The following SHANK2 variants were observed in gnomAD, a reference collection of about 807,000 sequenced individuals.
SHANK2 encodes SH3 and multiple ankyrin repeat domains protein 2.
SHANK2 carries 43 observed loss-of-function variants against 133.7 expected under a neutral mutation model. The observed-to-expected ratio is 0.32, with a 90% CI of 0.25 to 0.41. The LOEUF is 0.41. Ranked by LOEUF, SHANK2 falls within the 10% of genes least tolerant of loss-of-function variation. The pLI, the probability that SHANK2 is intolerant of heterozygous loss-of-function variation, is 1.00. For synonymous variants in SHANK2, 1,017 were observed against 952.8 expected, an observed-to-expected ratio of 1.07 and a Z score of -1.24; for missense variants, 1,994 against 2,235.8, an observed-to-expected ratio of 0.89 and a Z score of 2.18.
chr11:70,507,669 G>A (rs1359235036), intron 17 of SHANK2, among the ~76,000 whole-genome samples: 1 of 152,122 alleles, frequency 6.6e-6, no homozygotes, highest in Non-Finnish European at 1.5e-5. Context: ...GGACAGACAC[G>A]GACATGAGGT....
intron 1 of SHANK2, among the ~76,000 whole-genome samples, chr11:71,230,216 G>T (rs1486378289): frequency 1.3e-5 from 2 of 152,016 alleles, no homozygotes; most frequent in East Asian, 3.9e-4. Flanking sequence ...CTTGAACCTG[G>T]GAAGCAGAGG....
chr11:71,086,693 C>T (rs980260405), intron 8 of SHANK2, among the ~76,000 whole-genome samples: 54 of 151,676 alleles, frequency 3.6e-4, no homozygotes, highest in Non-Finnish European at 7.2e-4. Context: ...ACTTGAGACC[C>T]GCACTGTGGC....
chr11:70,690,258 C>T (rs143805064), intron 15 of SHANK2, among the ~76,000 whole-genome samples: 8,271 of 151,472 alleles, frequency 0.055, 303 homozygotes, highest in Middle Eastern at 0.11. Flanking sequence ...AATTTTTCTC[C>T]CACGAGAAAA....
chr11:71,207,132 G>GA (rs60645507), intron 2 of SHANK2, among the ~76,000 whole-genome samples: 48,660 of 122,748 alleles, frequency 0.4, 10,673 homozygotes, highest in East Asian at 0.66. Context: ...TGGAAGGAAA[G>GA]AAAAAAAAAT....
chr11:70,703,067 G>A (rs1945573010), intron 14 of SHANK2, among the ~76,000 whole-genome samples: 1 of 152,248 alleles, frequency 6.6e-6, no homozygotes. Flanking sequence ...AGGTCATGGA[G>A]TCTGTCAGCA....
chr11:70,874,069 G>GATCCATCCATTC (rs1259768595), intron 11 of SHANK2, among the ~76,000 whole-genome samples: 4 of 152,056 alleles, frequency 2.6e-5, no homozygotes, highest in Admixed American at 1.3e-4. Flanking sequence ...TCTACCTATA[G>GATCCATCCATTC]ATCCATCCAT....
At chr11:70,618,705 C>T (rs2060789843) in intron 17 of SHANK2, among the ~76,000 whole-genome samples, 1 of 152,194 alleles carries the variant, frequency 6.6e-6, no homozygotes, top group South Asian at 2.1e-4. Flanking sequence ...TTAAATCAGC[C>T]CATGCGGAAA....
At chr11:71,102,953 C>T (rs1443895534) in intron 6 of SHANK2, among the ~76,000 whole-genome samples, 3 of 152,230 alleles carry the variant, frequency 2.0e-5, no homozygotes, top group Non-Finnish European at 2.9e-5. Flanking sequence ...GCAGATTTGG[C>T]GTGTGTCTAC....
At chr11:70,859,005 A>G (rs1207740897) in intron 11 of SHANK2, among the ~76,000 whole-genome samples, 5 of 152,214 alleles carry the variant, frequency 3.3e-5, no homozygotes, top group African/African-American at 1.2e-4. Context: ...ACACTGGAGC[A>G]CTGGTGTTGG....
At chr11:71,193,161 T>G (rs1953824976) in intron 2 of SHANK2, among the ~76,000 whole-genome samples, 1 of 152,004 alleles carries the variant, frequency 6.6e-6, no homozygotes, top group Non-Finnish European at 1.5e-5. Flanking sequence ...CTCCCCGAAA[T>G]CATACTAATA....
At chr11:70,890,190 T>C (rs782723637) in intron 11 of SHANK2, among the ~76,000 whole-genome samples, 3 of 151,992 alleles carry the variant, frequency 2.0e-5, no homozygotes, top group Non-Finnish European at 2.9e-5. Flanking sequence ...ACAGGGTCTG[T>C]GAAAAAGGTG....
rs577550546 is a variant in SHANK2, at chr11:70,469,891, C to T, written c.*2978G>A. 6.6e-5 allele frequency: 10 copies of T among 152,628 alleles called. No homozygotes were observed. The highest frequency in any genetic ancestry group is 6.5e-4 in the Admixed American group (10 of 15,294). The allele number at this position is 152,628 out of a possible 1,614,324, so 9.5% of individuals were successfully genotyped here. A position where few individuals can be genotyped will look rare whatever the true frequency, so the allele number is the denominator to read the frequency against. On this transcript the variant is annotated 3_prime_UTR_variant, in exon 26 of 26. Transcript: ENST00000601538. The stretch of plus-strand genomic sequence containing the variant: ...AGACACCCTGGAAAAGGTATCTTGG[C>T]AGGTATACATAATTTACATTTTGAG...
intron 14 of SHANK2, 130 bp downstream of exon 14, chr11:70,798,312 GA>G: frequency 1.5e-6 from 1 of 673,194 alleles, no homozygotes; most frequent in Non-Finnish European, 2.7e-6. Context: ...CAAAGATCTA[GA>G]AAGTCCTGAA....
intron 18 of SHANK2, 41 bp downstream of exon 18, chr11:70,502,755 G>A: frequency 3.3e-6 from 1 of 307,486 alleles, no homozygotes; most frequent in Non-Finnish European, 4.1e-6. Flanking sequence ...CCCCCCCCCA[G>A]TAGGGCCCCA....
At chr11:70,911,546 C>A (rs1245028883) in intron 10 of SHANK2, among the ~76,000 whole-genome samples, 1 of 152,106 alleles carries the variant, frequency 6.6e-6, no homozygotes, top group Non-Finnish European at 1.5e-5. Context: ...TGCCCCCCAA[C>A]TTCTCCTTTT....
rs550173111 is a variant in SHANK2, at chr11:70,686,569, T to A, written c.1853+12119A>T. On this transcript the variant is annotated intron_variant, in intron 15 of 25. Coordinates refer to ENST00000601538, the MANE Select transcript of SHANK2 (RefSeq NM_012309.5). ...TCTCCATTCTCTGAGAGCTGGACAT[T>A]TGCCAGACCCTGTGCCAGATGCCAG... Among the ~76,000 whole-genome samples the A allele has an allele frequency of 3.3e-5, 5 of 152,258 alleles. No homozygotes were observed. In the South Asian group the frequency reaches 1.0e-3, roughly 32 times the overall value.
intron 10 of SHANK2, among the ~76,000 whole-genome samples, chr11:70,944,283 A>C (rs11601701): frequency 6.6e-6 from 1 of 151,942 alleles, no homozygotes; most frequent in South Asian, 2.1e-4. Context: ...AGAGCCATCC[A>C]CCCTCCTGTG....
chr11:70,736,451 A>G (rs538412771), intron 14 of SHANK2, among the ~76,000 whole-genome samples: 14 of 152,270 alleles, frequency 9.2e-5, no homozygotes, highest in Admixed American at 8.5e-4. Flanking sequence ...CTTAAATCCA[A>G]TGATACGTGT....
In SHANK2 at chr11:70,490,404, C is replaced by CTAGGTT; in HGVS notation, c.2440-18_2440-17insAACCTA. 1 of 1,609,298 alleles carries CTAGGTT rather than the reference C, an allele frequency of 6.2e-7. No homozygotes were observed. The highest frequency in any genetic ancestry group is 8.5e-7 in the Non-Finnish European group (1 of 1,175,652). The stretch of plus-strand genomic sequence containing the variant: ...GTACACAGACTGCAAACCAGAGAGC[C>CTAGGTT]TAGGGTGAGACGCAGCCCTGGCCAG... On this transcript the variant is annotated splice_polypyrimidine_tract_variant and intron_variant, in intron 22 of 25. Transcript: ENST00000601538.
Sources: gnomAD v4.1 joint callset for allele counts (sites outside exome capture counted in the v4.1 genomes callset) on GRCh38, gnomAD v4.1.1 for gene constraint, MANE v1.5 for transcripts, NCBI Gene and HGNC (gene_info 2026-07-23, HGNC 2026-07-21) for gene names.